LMBR1: variants seen among roughly 807,000 people sequenced by gnomAD.
LMBR1 encodes limb region 1 protein homolog.
LMBR1 carries 52 observed loss-of-function variants against 73.9 expected under a neutral mutation model. The ratio of observed to expected loss-of-function variants is 0.70; its 90% CI spans 0.56 to 0.89. LMBR1 has a LOEUF of 0.89. Among genes scored for constraint, LMBR1 ranks in the 40% least tolerant of loss-of-function variants. The probability of loss-of-function intolerance (pLI) is 0.00; values close to 1 mark genes in which losing one functional copy is unlikely to be tolerated. For synonymous variants in LMBR1, 215 were observed against 209.4 expected, an observed-to-expected ratio of 1.03 and a Z score of -0.23; for missense variants, 539 against 579.8, an observed-to-expected ratio of 0.93 and a Z score of 0.72.
At chr7:156,864,221 TTCTAA>T (rs1308300833) in intron 1 of LMBR1, among the ~76,000 whole-genome samples, 8 of 152,318 alleles carry the variant, frequency 5.3e-5, no homozygotes, top group Admixed American at 5.2e-4. Flanking sequence ...TACAAAGCTC[TTCTAA>T]CCAAGTGCCT....
chr7:156,674,729 C>T (rs139355970), downstream of LMBR1, among the ~76,000 whole-genome samples: 392 of 152,248 alleles, frequency 2.6e-3, no homozygotes, highest in Middle Eastern at 6.8e-3. Context: ...AATTAATAAA[C>T]GTTGAAGTGA....
At chr7:156,834,589 G>A in intron 2 of LMBR1, 1 of 238,684 alleles carries the variant, frequency 4.2e-6, no homozygotes, top group Non-Finnish European at 8.2e-6. Flanking sequence ...GGGGACAGAA[G>A]GAGATCCTAT....
chr7:156,815,946 A>C (rs974269247), intron 4 of LMBR1, among the ~76,000 whole-genome samples: 1 of 151,890 alleles, frequency 6.6e-6, no homozygotes, highest in African/African-American at 2.4e-5. Context: ...GCATAAAAGA[A>C]GGCTCTTTCT....
At chr7:156,732,230 G>C (rs937734646) in intron 10 of LMBR1, among the ~76,000 whole-genome samples, 1 of 152,056 alleles carries the variant, frequency 6.6e-6, no homozygotes, top group South Asian at 2.1e-4. Flanking sequence ...CAAGACACTG[G>C]ACATCTGATC....
At chr7:156,773,696 G>A (rs116449868) in intron 5 of LMBR1, among the ~76,000 whole-genome samples, 2,001 of 151,900 alleles carry the variant, frequency 0.013, 48 homozygotes, top group African/African-American at 0.046. Context: ...TACAAAAATC[G>A]ATTCAAGATG....
At chr7:156,671,230 C>T (rs763717480) in intron 4 of LMBR1, among the ~76,000 whole-genome samples, 33 of 152,202 alleles carry the variant, frequency 2.2e-4, no homozygotes, top group Non-Finnish European at 3.7e-4. Context: ...ATGGGTGCAC[C>T]GTTTGTCTGT....
intron 1 of LMBR1, among the ~76,000 whole-genome samples, chr7:156,838,972 A>G (rs953348467): frequency 2.7e-5 from 4 of 149,112 alleles, no homozygotes; most frequent in African/African-American, 9.9e-5. Context: ...ATGATTAGTG[A>G]TGTTGAACAC....
rs771804518 is a variant in LMBR1 at position 156,791,184 on chromosome 7, T to G, written c.423+5205A>C. 3.8e-4 allele frequency among the ~76,000 whole-genome samples: 58 copies of G among 152,318 alleles called. No individual in the cohort carries two copies. Among genetic ancestry groups the G allele is most frequent in the Non-Finnish European group, 6.9e-4 (47 of 68,014 alleles). On this transcript the variant is annotated intron_variant, in intron 5 of 16. Transcript: ENST00000353442. Reference sequence around the variant, plus strand: ...AAACATGACCCAAGTTAAATTTCCTTGCAGGGTTCCCAGCAGGGGCTTCCC... The same window carrying G: ...AAACATGACCCAAGTTAAATTTCCTGGCAGGGTTCCCAGCAGGGGCTTCCC...
chr7:156,781,274 C>T (rs946462791), intron 5 of LMBR1, among the ~76,000 whole-genome samples: 1 of 152,052 alleles, frequency 6.6e-6, no homozygotes, highest in Non-Finnish European at 1.5e-5. Context: ...TAATACTTTA[C>T]ACAAAAAGCA....
chr7:156,689,830 A>C (rs1806785035), intron 15 of LMBR1, among the ~76,000 whole-genome samples: 1 of 152,236 alleles, frequency 6.6e-6, no homozygotes, highest in South Asian at 2.1e-4. Flanking sequence ...TAAAAGGAAT[A>C]CATATCTAAT....
chr7:156,724,098 T>G lies in LMBR1; in HGVS notation c.1225+14A>C, dbSNP rs766890522. ...ACATGGATCTTTAAGTGAAAATTTC[T>G]CACTGAAACTTACCCAGTGTTCTCG... On this transcript the variant is annotated intron_variant, in intron 15 of 16. Coordinates refer to ENST00000353442, the MANE Select transcript of LMBR1 (RefSeq NM_022458.4). The G allele has an allele frequency of 1.3e-6, 2 of 1,599,512 alleles. No homozygotes were observed. The highest frequency in any genetic ancestry group is 1.7e-6 in the Non-Finnish European group (2 of 1,170,998).
chr7:156,823,141 T>TA (rs1409720054), intron 4 of LMBR1: 6 of 150,956 alleles, frequency 4.0e-5, no homozygotes, highest in African/African-American at 1.5e-4. Flanking sequence ...AATAAATAAA[T>TA]AAAAATAAAA....
intron 5 of LMBR1, among the ~76,000 whole-genome samples, chr7:156,777,023 C>T (rs1826273435): frequency 6.6e-6 from 1 of 152,026 alleles, no homozygotes; most frequent in South Asian, 2.1e-4. Flanking sequence ...GCTCCGCTTC[C>T]TGGGTTCACG....
chr7:156,715,721 A>G (rs529804338), intron 15 of LMBR1, among the ~76,000 whole-genome samples: 1 of 152,326 alleles, frequency 6.6e-6, no homozygotes, highest in Admixed American at 6.5e-5. Context: ...ACTTATAAAG[A>G]GGTGCCTTTT....
In LMBR1 at chr7:156,725,313, T is replaced by C. The variant is rs2072468; in HGVS notation, c.1158+122A>G. On this transcript the variant is annotated intron_variant, in intron 14 of 16. Transcript: ENST00000353442. ...CATTTTGAAAATCTTCCAGTTTGTG[T>C]TTACGCAACTTACAAACAAATACCT... The C allele has an allele frequency of 0.42, 257,172 of 608,418 alleles. 55,143 individuals carry two copies. The highest frequency in any genetic ancestry group is 0.53 in the Middle Eastern group (1,890 of 3,552). 37.7% of individuals were successfully genotyped at this position (608,418 alleles called of 1,614,324 possible).
At chr7:156,796,308 A>T in intron 5 of LMBR1, 81 bp downstream of exon 5, 1 of 848,500 alleles carries the variant, frequency 1.2e-6, no homozygotes, top group Middle Eastern at 2.4e-4. Flanking sequence ...TAAATAATTT[A>T]AGTCTGCTTT....
At chr7:156,889,047 C>G (rs1340072803) in intron 1 of LMBR1, among the ~76,000 whole-genome samples, 1 of 138,978 alleles carries the variant, frequency 7.2e-6, no homozygotes, top group Non-Finnish European at 1.6e-5. Flanking sequence ...GAGAAAGACT[C>G]TGTCTCAAAA....
At chr7:156,878,761 A>G (rs1028073053) in intron 1 of LMBR1, among the ~76,000 whole-genome samples, 3 of 152,230 alleles carry the variant, frequency 2.0e-5, no homozygotes, top group Non-Finnish European at 4.4e-5. Flanking sequence ...AGTCTAAGCA[A>G]AAAGAACAAA....
chr7:156,827,470 C>G (rs1480264019), intron 3 of LMBR1, among the ~76,000 whole-genome samples: 1 of 152,020 alleles, frequency 6.6e-6, no homozygotes, highest in Non-Finnish European at 1.5e-5. Context: ...CAAAAAAATC[C>G]AGCATAACAT....
Sources: allele counts gnomAD v4.1 joint callset (sites outside exome capture counted in the v4.1 genomes callset), GRCh38; gene constraint gnomAD v4.1.1; transcripts MANE v1.5; gene names NCBI Gene and HGNC (gene_info 2026-07-23, HGNC 2026-07-21).